NRDC: variants seen among roughly 807,000 people sequenced by gnomAD.
The protein encoded by NRDC is nardilysin convertase.
In NRDC, 54 loss-of-function variants were observed where a neutral mutation model predicts 147.1. The ratio of observed to expected loss-of-function variants is 0.37; its 90% CI spans 0.29 to 0.46. The LOEUF is 0.46. Among genes scored for constraint, NRDC ranks in the 20% least tolerant of loss-of-function variants. The pLI is 1.00. For missense variants in NRDC, 1,082 were observed against 1,370.6 expected, an observed-to-expected ratio of 0.79 and a Z score of 3.33; for synonymous variants, 440 against 482.1, an observed-to-expected ratio of 0.91 and a Z score of 1.14.
Position 51,840,343 on chromosome 1 carries a change from AC to A in NRDC, c.512del (p.Gly171ValfsTer26). The A allele has an allele frequency of 1.3e-6, 2 of 1,533,230 alleles. No homozygotes were observed. The highest frequency in any genetic ancestry group is 1.8e-6 in the Non-Finnish European group (2 of 1,107,002). The allele number at this position is 1,533,230 out of a possible 1,614,324, so 95.0% of individuals were successfully genotyped here. Reference sequence around the variant, plus strand: ...CATCAAACTCATCTTCATCATCAAAACCCTCTTCATCGTCATCTTCTATTTC... The same window carrying A: ...CATCAAACTCATCTTCATCATCAAAACCTCTTCATCGTCATCTTCTATTTC... ...GAEIEDDDEE[G>X]FDDEDEFDDE... On this transcript the variant is annotated frameshift_variant, in exon 2 of 31. Transcript: ENST00000352171. LOFTEE classifies it high-confidence loss of function.
chr1:51,827,426 G>A (rs549118462), intron 5 of NRDC, among the ~76,000 whole-genome samples: 1 of 152,256 alleles, frequency 6.6e-6, no homozygotes, highest in East Asian at 1.9e-4. Context: ...AATATACAAT[G>A]GTGATATTTA....
rs60495773 is a variant in NRDC, at chr1:51,871,515, T to TAAAAAAAAAA, written c.341+6750_341+6759dup. Among the ~76,000 whole-genome samples, 4 of 21,018 alleles carry TAAAAAAAAAA rather than the reference T, an allele frequency of 1.9e-4. No homozygotes were observed. The East Asian group carries it at 7.0e-3, about 37-fold the overall frequency. The allele number at this position is 21,018 out of a possible 152,430, so 13.8% of individuals were successfully genotyped here. On this transcript the variant is annotated intron_variant, in intron 1 of 30. Coordinates refer to ENST00000352171, the MANE Select transcript of NRDC (RefSeq NM_001101662.2). Reference sequence around the variant, plus strand: ...CAAGAATTCTCCTCCACTGGTTCATTAAAAAAAAAAAAAAAAAAAAAAAAA... The same window carrying TAAAAAAAAAA: ...CAAGAATTCTCCTCCACTGGTTCATTAAAAAAAAAAAAAAAAAAAAAAAAAAAAAAAAAAA...
chr1:51,815,203 T>C (rs1205752968), intron 11 of NRDC, among the ~76,000 whole-genome samples: 1 of 140,312 alleles, frequency 7.1e-6, no homozygotes, highest in African/African-American at 2.6e-5. Flanking sequence ...TTTTTTTTTT[T>C]AATAAAGACA....
At chr1:51,847,991 C>T (rs1261331728) in intron 1 of NRDC, among the ~76,000 whole-genome samples, 1 of 152,220 alleles carries the variant, frequency 6.6e-6, no homozygotes, top group Admixed American at 6.5e-5. Flanking sequence ...TGTAAAAATA[C>T]ACAACTCACT....
intron 28 of NRDC, 31 bp downstream of exon 28, chr1:51,790,868 CA>C: frequency 6.3e-7 from 1 of 1,576,400 alleles, no homozygotes; most frequent in Non-Finnish European, 8.7e-7. Flanking sequence ...TTGTGTGGGC[CA>C]AAGGCCAAAA....
In NRDC at chr1:51,819,860, G is replaced by A. The variant is rs745463893; in HGVS notation, c.1231C>T (p.Pro411Ser). The change falls in exon 9 of 31, where the codon CCA becomes TCA. Residue 411 changes from proline (P) to serine (S), a missense_variant. Coordinates refer to ENST00000352171, the MANE Select transcript of NRDC (RefSeq NM_001101662.2). The part of the protein sequence containing the change: ...SQIPNNGLPR[P>S]NFGHLTDPFD... ...GGATCCGTTAAATGGCCAAAGTTTGGTCTGGGTAACCCACTGAAAATAAAA... is the reference window on the plus strand; with the variant it reads ...GGATCCGTTAAATGGCCAAAGTTTGATCTGGGTAACCCACTGAAAATAAAA... The A allele has an allele frequency of 6.2e-7, 1 of 1,607,252 alleles. No homozygotes were observed. The highest frequency in any genetic ancestry group is 8.5e-7 in the Non-Finnish European group (1 of 1,176,552).
At position 51,840,236 on chromosome 1, in the gene NRDC, G is replaced by C. The variant is rs1273191346; in HGVS notation, c.620C>G (p.Thr207Ser). The C allele has an allele frequency of 6.3e-7, 1 of 1,594,452 alleles. No individual in the cohort carries two copies. The highest frequency in any genetic ancestry group is 8.5e-7 in the Non-Finnish European group (1 of 1,172,270). Residue 207 changes from threonine (T) to serine (S), a missense_variant, in exon 2 of 31, where the codon ACT becomes AGT. This residue lies in a region of NRDC where 635 missense variants were observed against 923.8 expected (regional missense o/e 0.69). Coordinates refer to ENST00000352171, the MANE Select transcript of NRDC (RefSeq NM_001101662.2). ...AGACATGACTCGCACCTGTTTTTCA[G>C]TAGTTTTTTTTCTAGCTTCTGCTCT... ...EERAEARKKT[T>S]EKQSAAALCV...
At chr1:51,790,336 A>G (rs762087124) in intron 29 of NRDC, among the ~76,000 whole-genome samples, 197 bp downstream of exon 29, 3 of 152,224 alleles carry the variant, frequency 2.0e-5, no homozygotes, top group Admixed American at 6.5e-5. Flanking sequence ...TGTGGTAAGG[A>G]TTAGCACCCA....
At chr1:51,838,725 G>A (rs1360490359) in intron 2 of NRDC, among the ~76,000 whole-genome samples, 1 of 152,008 alleles carries the variant, frequency 6.6e-6, no homozygotes. Flanking sequence ...GACTGTCAGT[G>A]TTCTTTTTTT....
At chr1:51,841,857 G>C (rs191477350) in intron 1 of NRDC, among the ~76,000 whole-genome samples, 1 of 152,240 alleles carries the variant, frequency 6.6e-6, no homozygotes, top group East Asian at 1.9e-4. Flanking sequence ...CAAAAACTAA[G>C]AATAACATGC....
intron 1 of NRDC, among the ~76,000 whole-genome samples, chr1:51,875,259 T>C (rs901879769): frequency 2.0e-5 from 3 of 152,206 alleles, no homozygotes; most frequent in African/African-American, 7.2e-5. Context: ...GAAACTCCAG[T>C]ATATAAAACA....
intron 21 of NRDC, 70 bp from the exon 22 acceptor site, chr1:51,798,481 GT>G: frequency 7.5e-7 from 1 of 1,342,210 alleles, no homozygotes; most frequent in South Asian, 1.4e-5. Context: ...ATAAAGAAAT[GT>G]TTGGTCAAAG....
intron 1 of NRDC, among the ~76,000 whole-genome samples, chr1:51,849,851 A>G (rs1681855040): frequency 6.6e-6 from 1 of 150,632 alleles, no homozygotes; most frequent in South Asian, 2.1e-4. Context: ...GAAAGGAAGA[A>G]CAAGGGGAAG....
chr1:51,878,388 G>T lies in NRDC; in HGVS notation c.228C>A (p.Ser76Arg). 6.2e-7 allele frequency: 1 copy of T among 1,614,146 alleles called. No homozygotes were observed. Among genetic ancestry groups the T allele is most frequent in the Non-Finnish European group, 8.5e-7 (1 of 1,180,034 alleles). ...QPNGQDLGEN[S>R]RVARLGADES... ...CATCCGCTCCTAGACGGGCAACCCGGCTGTTCTCGCCCAGATCCTGTCCAT... is the reference window on the plus strand; with the variant it reads ...CATCCGCTCCTAGACGGGCAACCCGTCTGTTCTCGCCCAGATCCTGTCCAT... The change falls in exon 1 of 31, where the codon AGC becomes AGA. Residue 76 changes from serine to arginine, a missense_variant. This residue lies in a region of NRDC where 260 missense variants were observed against 253.2 expected (regional missense o/e 1.03). Coordinates refer to ENST00000352171, the MANE Select transcript of NRDC (RefSeq NM_001101662.2).
intron 2 of NRDC, chr1:51,837,681 A>C: frequency 7.4e-7 from 1 of 1,347,464 alleles, no homozygotes; most frequent in African/African-American, 1.4e-5. Context: ...TGAGAAATTC[A>C]TACTTGAGAA....
chr1:51,797,833 C>A (rs1679002987), intron 22 of NRDC: 2 of 156,756 alleles, frequency 1.3e-5, no homozygotes, highest in Admixed American at 6.3e-5. Context: ...TACTGTGGTG[C>A]AATCATAGCA....
intron 1 of NRDC, among the ~76,000 whole-genome samples, chr1:51,842,510 A>C (rs1179951291): frequency 2.0e-5 from 3 of 152,168 alleles, no homozygotes; most frequent in Non-Finnish European, 1.5e-5. Flanking sequence ...GTCTACTGAC[A>C]GCAGAATAAA....
At chr1:51,871,109 G>C (rs1683065900) in intron 1 of NRDC, among the ~76,000 whole-genome samples, 1 of 152,052 alleles carries the variant, frequency 6.6e-6, no homozygotes, top group Admixed American at 6.6e-5. Flanking sequence ...CTGAGGTCAG[G>C]AGTTCAAAAC....
At chr1:51,831,257 A>G (rs1305562921) in intron 4 of NRDC, among the ~76,000 whole-genome samples, 1 of 152,256 alleles carries the variant, frequency 6.6e-6, no homozygotes, top group East Asian at 1.9e-4. Flanking sequence ...TGAGATGGCC[A>G]GAATGTATTC....
Sources: allele counts gnomAD v4.1 joint callset (sites outside exome capture counted in the v4.1 genomes callset), GRCh38; gene constraint gnomAD v4.1.1; regional missense constraint gnomAD v4.1.1; transcripts MANE v1.5; gene names NCBI Gene and HGNC (gene_info 2026-07-23, HGNC 2026-07-21).